The following LCOR variants were observed in gnomAD, a reference collection of about 807,000 sequenced individuals.
The protein encoded by LCOR is ligand-dependent corepressor.
In LCOR, 14 loss-of-function variants were observed where a neutral mutation model predicts 64.4. That is an observed-to-expected ratio of 0.22 (90% CI 0.14 to 0.34). The LOEUF (loss-of-function observed/expected upper bound fraction) is 0.34. Ranked by LOEUF, LCOR falls within the 10% of genes least tolerant of loss-of-function variation. LCOR has a pLI of 1.00. For synonymous variants in LCOR, 643 were observed against 642.5 expected (o/e 1.00, Z -0.01); for missense variants, 1,686 against 1,765.3 (o/e 0.96, Z 0.80).
intron 2 of LCOR, among the ~76,000 whole-genome samples, chr10:96,854,871 C>T (rs1252039006): frequency 6.6e-6 from 1 of 152,148 alleles, no homozygotes; most frequent in East Asian, 1.9e-4. Context: ...AATTTTCTCC[C>T]TAAGTTATTC....
intron 4 of LCOR, among the ~76,000 whole-genome samples, chr10:96,923,490 CCT>C (rs1564627307): frequency 6.6e-6 from 1 of 152,180 alleles, no homozygotes. Context: ...TCCTCTGTTT[CCT>C]CTCTTGAGGT....
intron 4 of LCOR, among the ~76,000 whole-genome samples, chr10:96,940,028 C>T (rs571988680): frequency 4.6e-5 from 7 of 152,244 alleles, no homozygotes; most frequent in Admixed American, 1.3e-4. Context: ...CCAATAAGCA[C>T]GTGAAAAGAT....
chr10:96,955,916 C>T (rs200510779), intron 7 of LCOR: 26 of 1,611,968 alleles, frequency 1.6e-5, no homozygotes, highest in Admixed American at 1.3e-4. Flanking sequence ...AATCAAAAAA[C>T]GAGTAGGAAT....
chr10:96,865,174 C>T (rs1458156301), intron 2 of LCOR, among the ~76,000 whole-genome samples: 1 of 152,030 alleles, frequency 6.6e-6, no homozygotes, highest in Admixed American at 6.6e-5. Context: ...AAGACTCATT[C>T]TGGTTTATAT....
At chr10:96,975,783 G>T (rs148441442) in intron 7 of LCOR, among the ~76,000 whole-genome samples, 2,251 of 152,154 alleles carry the variant, frequency 0.015, 21 homozygotes, top group Non-Finnish European at 0.022. Context: ...GGGAGGCTGA[G>T]GCAGGTGGAT....
At chr10:96,953,079 T>G (rs1847709484) in intron 7 of LCOR, among the ~76,000 whole-genome samples, 1 of 152,148 alleles carries the variant, frequency 6.6e-6, no homozygotes, top group Non-Finnish European at 1.5e-5. Context: ...AAGGATTCCT[T>G]TACAGACTTC....
intron 2 of LCOR, among the ~76,000 whole-genome samples, chr10:96,902,634 CCAACCCAATACTT>C (rs1172788176): frequency 1.3e-5 from 2 of 152,126 alleles, no homozygotes; most frequent in Non-Finnish European, 2.9e-5. Context: ...TACTATTGCA[CCAACCCAATACTT>C]TCACTTTGTG....
Position 96,989,695 on chromosome 10 carries a change from A to ATATATATATATATATATATTTTTT in LCOR, c.*4562_*4563insATATATATATATATATATTTTTTT, listed in dbSNP as rs1371771053. On this transcript the variant is annotated 3_prime_UTR_variant, in exon 8 of 8. Coordinates refer to ENST00000421806, the MANE Select transcript of LCOR (RefSeq NM_001346516.2). ...TAAGGATATATATATATATATATAT[A>ATATATATATATATATATATTTTTT]TTTTTTTTTTTTTTTTTTTTTTTTA... 2 of 86,160 alleles carry ATATATATATATATATATATTTTTT rather than the reference A, an allele frequency of 2.3e-5. No individual in the cohort carries two copies. The highest frequency in any genetic ancestry group is 1.2e-4 in the African/African-American group (2 of 16,170). 5.3% of individuals were successfully genotyped at this position (86,160 alleles called of 1,614,324 possible).
intron 2 of LCOR, among the ~76,000 whole-genome samples, chr10:96,874,875 A>G (rs969549252): frequency 4.6e-5 from 7 of 151,874 alleles, no homozygotes; most frequent in African/African-American, 1.7e-4. Flanking sequence ...TGACCTTGTG[A>G]TCCACCTACC....
intron 7 of LCOR, among the ~76,000 whole-genome samples, chr10:96,968,852 T>G (rs1421792870): frequency 6.6e-6 from 1 of 151,992 alleles, no homozygotes; most frequent in African/African-American, 2.4e-5. Context: ...GGAGGGTCAC[T>G]TGGGCCCAAG....
chr10:96,956,055 G>T, intron 7 of LCOR: 9 of 1,458,510 alleles, frequency 6.2e-6, no homozygotes, highest in Non-Finnish European at 8.1e-6. Flanking sequence ...TGACTTGTGT[G>T]TACAGAGATG....
chr10:96,929,471 T>C (rs1429687598), intron 4 of LCOR, among the ~76,000 whole-genome samples: 1 of 152,240 alleles, frequency 6.6e-6, no homozygotes, highest in Non-Finnish European at 1.5e-5. Context: ...CCTCTCAGCC[T>C]TCATAGAATT....
chr10:96,938,019 A>G (rs907437029), intron 4 of LCOR, among the ~76,000 whole-genome samples: 1 of 152,130 alleles, frequency 6.6e-6, no homozygotes, highest in Non-Finnish European at 1.5e-5. Context: ...TGGCACAATC[A>G]TGGCTCACTG....
In LCOR at chr10:96,989,725, A is replaced by G. The variant is rs1353569647; in HGVS notation, c.*4591A>G. 3 of 112,398 alleles carry G rather than the reference A, an allele frequency of 2.7e-5. No homozygotes were observed. In the Admixed American group the frequency reaches 2.7e-4, roughly 10 times the overall value. 7.0% of individuals were successfully genotyped at this position (112,398 alleles called of 1,614,324 possible). A position where few individuals can be genotyped will look rare whatever the true frequency, so the allele number is the denominator to read the frequency against. On this transcript the variant is annotated 3_prime_UTR_variant, in exon 8 of 8. Coordinates refer to ENST00000421806, the MANE Select transcript of LCOR (RefSeq NM_001346516.2). ...TTTTTTTTTTTTTTTTTTTTAATAG[A>G]GACGAGGTTACGCTATGTTGCCGAG...
At chr10:96,957,214 T>A in intron 7 of LCOR, 1 of 984,776 alleles carries the variant, frequency 1.0e-6, no homozygotes, top group Non-Finnish European at 1.2e-6. Context: ...AATTTTTTTC[T>A]GTTTTTGGCA....
intron 2 of LCOR, among the ~76,000 whole-genome samples, chr10:96,898,798 G>A (rs981300311): frequency 6.6e-6 from 1 of 152,172 alleles, no homozygotes; most frequent in Non-Finnish European, 1.5e-5. Context: ...TGGGCATGAA[G>A]CACCTGCTAT....
chr10:96,936,905 CTAA>C (rs1389706167), intron 4 of LCOR, among the ~76,000 whole-genome samples: 28 of 152,198 alleles, frequency 1.8e-4, no homozygotes, highest in Admixed American at 1.3e-3. Flanking sequence ...GAGATTAAAA[CTAA>C]TAATAAAATT....
At chr10:96,922,992 A>G (rs1847107927) in intron 4 of LCOR, among the ~76,000 whole-genome samples, 1 of 152,218 alleles carries the variant, frequency 6.6e-6, no homozygotes, top group Admixed American at 6.5e-5. Flanking sequence ...CATATGGCAA[A>G]GATTATATTA....
In LCOR at chr10:96,955,351, A is replaced by T. The variant is rs369861051; in HGVS notation, c.332+3155A>T. 8 of 1,614,032 alleles carry T rather than the reference A, an allele frequency of 5.0e-6. No homozygotes were observed. The African/African-American group carries it at 1.1e-4, about 22-fold the overall frequency. On this transcript the variant is annotated intron_variant, in intron 7 of 7. Coordinates refer to ENST00000421806, the MANE Select transcript of LCOR (RefSeq NM_001346516.2). ...CAAGCAAAACAAGATGGAAAAAAGGATGTGAGCCATTCATCTCCTGTAGAT... is the reference window on the plus strand; with the variant it reads ...CAAGCAAAACAAGATGGAAAAAAGGTTGTGAGCCATTCATCTCCTGTAGAT...
Sources: gnomAD v4.1 joint callset for allele counts (sites outside exome capture counted in the v4.1 genomes callset) on GRCh38, gnomAD v4.1.1 for gene constraint, MANE v1.5 for transcripts, NCBI Gene and HGNC (gene_info 2026-07-23, HGNC 2026-07-21) for gene names.